SOX5: variants seen among roughly 807,000 people sequenced by gnomAD.
SOX5 encodes transcription factor SOX-5.
Under a neutral mutation model 92.0 loss-of-function variants are expected in SOX5, and 9 were observed. The ratio of observed to expected loss-of-function variants is 0.10; its 90% CI spans 0.06 to 0.17. The LOEUF is 0.17. Among genes scored for constraint, SOX5 ranks in the 10% least tolerant of loss-of-function variants. The pLI, the probability that SOX5 is intolerant of heterozygous loss-of-function variation, is 1.00. For missense variants in SOX5, 642 were observed against 944.5 expected, an observed-to-expected ratio of 0.68 and a Z score of 4.20; for synonymous variants, 344 against 336.3, an observed-to-expected ratio of 1.02 and a Z score of -0.25.
intron 4 of SOX5, among the ~76,000 whole-genome samples, chr12:24,064,453 T>G (rs1940311246): frequency 6.6e-6 from 1 of 152,216 alleles, no homozygotes; most frequent in African/African-American, 2.4e-5. Context: ...TACATATATG[T>G]AACTCATATA....
intron 3 of SOX5, among the ~76,000 whole-genome samples, chr12:24,223,994 G>T (rs1478157456): frequency 6.6e-6 from 1 of 152,184 alleles, no homozygotes. Context: ...TGCAAAGGTG[G>T]TCGCATGAAC....
chr12:23,877,802 A>G (rs914715348), intron 2 of SOX5, among the ~76,000 whole-genome samples: 1 of 152,070 alleles, frequency 6.6e-6, no homozygotes, highest in East Asian at 1.9e-4. Context: ...ATGCTAGTAT[A>G]TATTATAATA....
At chr12:24,225,647 G>A (rs895389261) in intron 3 of SOX5, among the ~76,000 whole-genome samples, 7 of 152,146 alleles carry the variant, frequency 4.6e-5, no homozygotes, top group African/African-American at 1.7e-4. Context: ...CATTGTTGAT[G>A]TTGTAAATAA....
intron 3 of SOX5, among the ~76,000 whole-genome samples, chr12:24,218,009 G>A (rs527541608): frequency 1.7e-4 from 26 of 152,274 alleles, no homozygotes; most frequent in African/African-American, 2.2e-4. Flanking sequence ...ACGTGGGAAC[G>A]CTCATAGATT....
At chr12:24,234,133 A>AT (rs1963978844) in intron 3 of SOX5, among the ~76,000 whole-genome samples, 1 of 152,170 alleles carries the variant, frequency 6.6e-6, no homozygotes, top group Non-Finnish European at 1.5e-5. Flanking sequence ...AAGAAAGATA[A>AT]TTTTAGTATC....
rs386375924 is a variant in SOX5 at position 24,506,784 on chromosome 12, C to CTTTTTTTTTTTTTTTTTT, written c.-251+55527_-251+55544dup. 7.1e-4 allele frequency among the ~76,000 whole-genome samples: 58 copies of CTTTTTTTTTTTTTTTTTT among 81,768 alleles called. 4 individuals carry two copies. The highest frequency in any genetic ancestry group is 1.0e-3 in the Non-Finnish European group (45 of 45,148). The allele number at this position is 81,768 out of a possible 152,430, so 53.6% of individuals were successfully genotyped here. The stretch of plus-strand genomic sequence containing the variant: ...CTGTATTTCATGGTATCCAAATGGT[C>CTTTTTTTTTTTTTTTTTT]TTTTTTTTTTTTTTTTTTTTTTGGA... On this transcript the variant is annotated intron_variant, in intron 1 of 4. Transcript: ENST00000446891.
At chr12:23,538,483 T>G (rs1361624579) in intron 13 of SOX5, among the ~76,000 whole-genome samples, 1 of 152,188 alleles carries the variant, frequency 6.6e-6, no homozygotes, top group Non-Finnish European at 1.5e-5. Context: ...CCATATCATT[T>G]GTAGGGACAA....
intron 2 of SOX5, among the ~76,000 whole-genome samples, chr12:23,869,097 G>A (rs2096845956): frequency 6.6e-6 from 1 of 152,122 alleles, no homozygotes; most frequent in Non-Finnish European, 1.5e-5. Context: ...TAGCTTTGCA[G>A]AAGGTTGTTA....
chr12:23,811,610 T>C (rs1311172401), intron 3 of SOX5, among the ~76,000 whole-genome samples: 2 of 152,104 alleles, frequency 1.3e-5, no homozygotes, highest in Non-Finnish European at 2.9e-5. Flanking sequence ...TGAGAAAATA[T>C]ATGTACATAA....
chr12:23,530,818 T>TGTGCGCGCGCGC lies in SOX5; in HGVS notation c.*3400_*3401insGCGCGCGCGCAC. 1.5e-5 allele frequency: 2 copies of TGTGCGCGCGCGC among 132,114 alleles called. No individual in the cohort carries two copies. Among genetic ancestry groups the TGTGCGCGCGCGC allele is most frequent in the East Asian group, 5.1e-4 (2 of 3,952 alleles). 8.2% of individuals were successfully genotyped at this position (132,114 alleles called of 1,614,324 possible). A position where few individuals can be genotyped will look rare whatever the true frequency, so the allele number is the denominator to read the frequency against. On this transcript the variant is annotated 3_prime_UTR_variant, in exon 15 of 15. Transcript: ENST00000451604. ...GGGCAAGTGTGTGTGTGTGTGTGTG[T>TGTGCGCGCGCGC]GCGCGCGCGCGCGCGCGCATGTGAG...
chr12:24,255,798 C>T (rs1472968569), intron 3 of SOX5, among the ~76,000 whole-genome samples: 2 of 152,014 alleles, frequency 1.3e-5, no homozygotes, highest in South Asian at 2.1e-4. Context: ...TCTTTTTTAA[C>T]GAATTTGAAA....
chr12:24,271,982 A>AAC (rs71059998), intron 3 of SOX5, among the ~76,000 whole-genome samples: 102,157 of 150,542 alleles, frequency 0.68, 35,792 homozygotes, highest in East Asian at 0.89. Flanking sequence ...CACACACACA[A>AAC]ACACACACAC....
intron 4 of SOX5, among the ~76,000 whole-genome samples, chr12:24,007,161 ACATTTATATATGTATTT>A (rs1569473766): frequency 2.5e-3 from 156 of 61,282 alleles, no homozygotes; most frequent in East Asian, 3.2e-3. Flanking sequence ...ATATATATAT[ACATTTATATATGTATTT>A]ATATATATAA....
At chr12:24,112,468 G>A (rs16927188) in intron 4 of SOX5, among the ~76,000 whole-genome samples, 4,926 of 146,952 alleles carry the variant, frequency 0.034, 299 homozygotes, top group African/African-American at 0.12. Context: ...GCATCAAGTA[G>A]AGAACAGGTA....
At chr12:23,683,608 T>G (rs1160823721) in intron 6 of SOX5, among the ~76,000 whole-genome samples, 4 of 151,928 alleles carry the variant, frequency 2.6e-5, no homozygotes, top group Non-Finnish European at 5.9e-5. Context: ...CAGGAAACCT[T>G]TAGTATGTAA....
At chr12:24,244,780 C>T (rs571151573) in intron 3 of SOX5, among the ~76,000 whole-genome samples, 34 of 152,304 alleles carry the variant, frequency 2.2e-4, no homozygotes, top group African/African-American at 8.2e-4. Context: ...GCAACCTCCG[C>T]CTCCTGAGTT....
At chr12:23,794,390 G>T (rs2095527782) in intron 3 of SOX5, among the ~76,000 whole-genome samples, 1 of 152,036 alleles carries the variant, frequency 6.6e-6, no homozygotes, top group African/African-American at 2.4e-5. Context: ...TTTTTTCACA[G>T]ATCTTGTAGT....
chr12:23,713,939 AAAATT>A (rs1290628705), intron 6 of SOX5, among the ~76,000 whole-genome samples: 2 of 151,316 alleles, frequency 1.3e-5, no homozygotes, highest in Non-Finnish European at 2.9e-5. Context: ...TAAAAATTCA[AAAATT>A]AGTTGGGTGT....
intron 3 of SOX5, among the ~76,000 whole-genome samples, chr12:23,832,790 T>A (rs1594865217): frequency 6.6e-6 from 1 of 151,274 alleles, no homozygotes; most frequent in Non-Finnish European, 1.5e-5. Flanking sequence ...GATGCTCACT[T>A]TTAGGCAAAA....
Sources: allele counts gnomAD v4.1 joint callset (sites outside exome capture counted in the v4.1 genomes callset), GRCh38; gene constraint gnomAD v4.1.1; transcripts MANE v1.5; gene names NCBI Gene and HGNC (gene_info 2026-07-23, HGNC 2026-07-21).